The following TIAM1 variants were observed in gnomAD, a reference collection of about 807,000 sequenced individuals.
TIAM1 encodes the protein rho guanine nucleotide exchange factor TIAM1.
A neutral mutation model predicts 163.5 loss-of-function variants in TIAM1; 65 were observed. That is an observed-to-expected ratio of 0.40 (90% CI 0.33 to 0.49). The LOEUF (loss-of-function observed/expected upper bound fraction) is 0.49. TIAM1 is among the 20% of genes least tolerant of loss of function. The probability of loss-of-function intolerance (pLI) is 0.77; values close to 1 mark genes in which losing one functional copy is unlikely to be tolerated. For synonymous variants in TIAM1, 833 were observed against 810.1 expected (o/e 1.03, Z -0.48); for missense variants, 1,789 against 2,044.7 (o/e 0.87, Z 2.41).
At chr21:31,167,276 G>C (rs2146373523) in intron 15 of TIAM1, among the ~76,000 whole-genome samples, 1 of 151,960 alleles carries the variant, frequency 6.6e-6, no homozygotes, top group South Asian at 2.1e-4. Flanking sequence ...ATTTTTAGTA[G>C]AGACAGGGTT....
chr21:31,281,235 C>A (rs996657757), intron 2 of TIAM1, among the ~76,000 whole-genome samples: 2 of 151,944 alleles, frequency 1.3e-5, no homozygotes, highest in Non-Finnish European at 2.9e-5. Flanking sequence ...AGGTTCAATT[C>A]AGGTGCTATT....
At chr21:31,558,525 G>A (rs966915977) in intron 1 of TIAM1, among the ~76,000 whole-genome samples, 1 of 152,098 alleles carries the variant, frequency 6.6e-6, no homozygotes, top group Non-Finnish European at 1.5e-5. Context: ...CGCCCTCCCC[G>A]AAGTTGACAA....
chr21:31,346,266 T>C (rs538077424), upstream of TIAM1, among the ~76,000 whole-genome samples: 2 of 152,328 alleles, frequency 1.3e-5, no homozygotes, highest in South Asian at 4.1e-4. Flanking sequence ...ATTCCATCTA[T>C]TCCATATAGC....
chr21:31,221,994 G>A (rs1419412915), intron 8 of TIAM1, among the ~76,000 whole-genome samples: 1 of 152,174 alleles, frequency 6.6e-6, no homozygotes, highest in Non-Finnish European at 1.5e-5. Context: ...TGTATGGAGA[G>A]GTGGTAGCCA....
chr21:31,284,918 A>C (rs2073734985), intron 2 of TIAM1, among the ~76,000 whole-genome samples: 1 of 152,082 alleles, frequency 6.6e-6, no homozygotes, highest in African/African-American at 2.4e-5. Context: ...AGGCACCGCA[A>C]GGGACTCTCA....
intron 1 of TIAM1, among the ~76,000 whole-genome samples, chr21:31,487,964 T>G (rs2046334324): frequency 6.6e-6 from 1 of 152,052 alleles, no homozygotes; most frequent in Non-Finnish European, 1.5e-5. Context: ...AGTGCTAGGA[T>G]TACAGGCACG....
At chr21:31,364,610 ACTCT>A (rs1484190960) in intron 2 of TIAM1, among the ~76,000 whole-genome samples, 6 of 152,120 alleles carry the variant, frequency 3.9e-5, no homozygotes, top group African/African-American at 1.2e-4. Context: ...AGAGTTCTGT[ACTCT>A]CTATTAACAA....
At chr21:31,175,389 A>AAG (rs886334438) in intron 15 of TIAM1, among the ~76,000 whole-genome samples, 1 of 152,214 alleles carries the variant, frequency 6.6e-6, no homozygotes, top group Non-Finnish European at 1.5e-5. Context: ...CGTGAACCCA[A>AAG]AGAGAGAGAG....
chr21:31,314,117 G>C (rs2833371), intron 2 of TIAM1, among the ~76,000 whole-genome samples: 5,357 of 152,262 alleles, frequency 0.035, 322 homozygotes, highest in African/African-American at 0.12. Context: ...CAACAATCCA[G>C]AGAGAAAAAT....
intron 2 of TIAM1, among the ~76,000 whole-genome samples, chr21:31,429,481 G>T (rs879749590): frequency 1.1e-4 from 16 of 152,316 alleles, no homozygotes; most frequent in Admixed American, 1.0e-3. Context: ...CCTAAGAAGA[G>T]AATAAAAATT....
At chr21:31,186,124 G>A (rs2085291889) in intron 14 of TIAM1, among the ~76,000 whole-genome samples, 1 of 152,212 alleles carries the variant, frequency 6.6e-6, no homozygotes, top group Non-Finnish European at 1.5e-5. Flanking sequence ...GAAAAAGGAT[G>A]AAGAGTTGGG....
intron 2 of TIAM1, among the ~76,000 whole-genome samples, chr21:31,410,454 C>T (rs529995861): frequency 3.3e-5 from 5 of 150,052 alleles, no homozygotes; most frequent in South Asian, 2.1e-4. Context: ...GAGGGTGTTA[C>T]GTATGTGAGC....
chr21:31,328,649 C>T (rs962179588), intron 2 of TIAM1, among the ~76,000 whole-genome samples: 7 of 152,058 alleles, frequency 4.6e-5, no homozygotes, highest in East Asian at 3.9e-4. Context: ...CCGATCAACC[C>T]GTCATCTAGG....
At chr21:31,448,064 C>T (rs746770795) in intron 2 of TIAM1, among the ~76,000 whole-genome samples, 12 of 152,106 alleles carry the variant, frequency 7.9e-5, no homozygotes, top group Non-Finnish European at 1.3e-4. Flanking sequence ...GGAGGAGAGA[C>T]GAGGCCAATA....
intron 4 of TIAM1, among the ~76,000 whole-genome samples, chr21:31,260,740 GA>G (rs35382269): frequency 0.13 from 17,185 of 137,228 alleles, 1,525 homozygotes; most frequent in East Asian, 0.41. Flanking sequence ...GAGGAGAACA[GA>G]AAAAAAAAAG....
chr21:31,269,762 C>T (rs577575239), intron 3 of TIAM1, among the ~76,000 whole-genome samples: 62 of 151,802 alleles, frequency 4.1e-4, no homozygotes, highest in African/African-American at 1.1e-3. Flanking sequence ...AGCTCCACCT[C>T]CCAGGTTCAC....
chr21:31,225,874 T>C lies in TIAM1; in HGVS notation c.1661A>G (p.His554Arg). Residue 554 changes from histidine (H) to arginine (R), a missense_variant, in exon 7 of 28, where the codon CAC becomes CGC. Physicochemically the swap from His to Arg is conservative, Grantham distance 29. Around this residue, in one of 5 missense-constraint regions of TIAM1, gnomAD observed 456 missense variants for 586.6 expected, o/e 0.78. Coordinates refer to ENST00000541036, the MANE Select transcript of TIAM1 (RefSeq NM_001353694.2). Reference protein sequence around the residue: ...SACATAVARHHHKEDTLRLLK... With the variant: ...SACATAVARHRHKEDTLRLLK... ...GAGTCGGAGCGTGTCTTCCTTGTGG[T>C]GGTGCCTCGCGACCGCAGTGGCGCA... 19 of 1,614,162 alleles carry C rather than the reference T, an allele frequency of 1.2e-5. No homozygotes were observed. The highest frequency in any genetic ancestry group is 1.5e-5 in the Non-Finnish European group (18 of 1,180,026).
At chr21:31,246,404 C>T (rs1219579430) in intron 5 of TIAM1, among the ~76,000 whole-genome samples, 3 of 152,148 alleles carry the variant, frequency 2.0e-5, no homozygotes, top group African/African-American at 7.2e-5. Context: ...CCATAGACTC[C>T]TTCCATTATC....
rs1454661775 is a variant in TIAM1 at position 31,266,947 on chromosome 21, A to G, written c.26T>C (p.Val9Ala). MGNAESQH[V>A]EHEFYGEKHA... ...CTTTTCTCCATAAAACTCGTGCTCT[A>G]CATGTTGACTTTCTGCGTTTCCCAT... Residue 9 changes from valine (V) to alanine (A), a missense_variant, in exon 4 of 28, where the codon GTA becomes GCA. Coordinates refer to ENST00000541036, the MANE Select transcript of TIAM1 (RefSeq NM_001353694.2). 3.7e-6 allele frequency: 6 copies of G among 1,606,922 alleles called. No homozygotes were observed. The highest frequency in any genetic ancestry group is 5.1e-6 in the Non-Finnish European group (6 of 1,174,686).
Sources: allele counts gnomAD v4.1 joint callset (sites outside exome capture counted in the v4.1 genomes callset), GRCh38; gene constraint gnomAD v4.1.1; regional missense constraint gnomAD v4.1.1; transcripts MANE v1.5; gene names NCBI Gene and HGNC (gene_info 2026-07-23, HGNC 2026-07-21).